FAM193A: variants seen among roughly 807,000 people sequenced by gnomAD.
The protein encoded by FAM193A is protein FAM193A.
In FAM193A, 22 loss-of-function variants were observed where a neutral mutation model predicts 126.5. The ratio of observed to expected loss-of-function variants is 0.17; its 90% CI spans 0.12 to 0.25. The LOEUF is 0.25. Among genes scored for constraint, FAM193A ranks in the 10% least tolerant of loss-of-function variants. The probability of loss-of-function intolerance (pLI) is 1.00; values close to 1 mark genes in which losing one functional copy is unlikely to be tolerated. For missense variants in FAM193A, 1,675 were observed against 1,672.8 expected, an observed-to-expected ratio of 1.00 and a Z score of -0.02; for synonymous variants, 761 against 646.8, an observed-to-expected ratio of 1.18 and a Z score of -2.68.
intron 1 of FAM193A, among the ~76,000 whole-genome samples, chr4:2,574,566 G>A (rs961957611): frequency 6.6e-6 from 1 of 152,092 alleles, no homozygotes; most frequent in African/African-American, 2.4e-5. Context: ...TGTGGTTGGC[G>A]GAAGAAGAGC....
chr4:2,551,991 C>A (rs1319548850), intron 1 of FAM193A, among the ~76,000 whole-genome samples: 2 of 148,372 alleles, frequency 1.3e-5, no homozygotes, highest in African/African-American at 5.0e-5. Flanking sequence ...CAGGTGCAAG[C>A]CATCATGTCT....
intron 13 of FAM193A, among the ~76,000 whole-genome samples, chr4:2,677,595 G>T (rs1714562001): frequency 6.6e-6 from 1 of 151,934 alleles, no homozygotes; most frequent in South Asian, 2.1e-4. Flanking sequence ...CAAAAAATTA[G>T]CCGGGCGTGG....
intron 4 of FAM193A, among the ~76,000 whole-genome samples, chr4:2,629,975 A>T (rs1054332062): frequency 9.2e-5 from 14 of 152,042 alleles, no homozygotes; most frequent in Non-Finnish European, 1.5e-5. Flanking sequence ...TACTAAAAAT[A>T]CAAAAAATTA....
Position 2,663,306 on chromosome 4 carries a change from G to A in FAM193A, c.2079+18G>A. 1.3e-6 allele frequency: 2 copies of A among 1,535,342 alleles called. No individual in the cohort carries two copies. Among genetic ancestry groups the A allele is most frequent in the Non-Finnish European group, 1.8e-6 (2 of 1,141,890 alleles). On this transcript the variant is annotated intron_variant, in intron 12 of 20. Transcript: ENST00000637812. The stretch of plus-strand genomic sequence containing the variant: ...CACAGCAGGTAGGACTTTGCTTGCT[G>A]TTTTGCCAAGGATCTCTTTTTCTGT...
At chr4:2,560,187 C>T (rs2108837801) in intron 1 of FAM193A, among the ~76,000 whole-genome samples, 1 of 152,254 alleles carries the variant, frequency 6.6e-6, no homozygotes, top group African/African-American at 2.4e-5. Flanking sequence ...AGGTGATCCA[C>T]CCGCCTCGGC....
At chr4:2,605,342 A>G (rs1227992473) in intron 2 of FAM193A, among the ~76,000 whole-genome samples, 1 of 152,140 alleles carries the variant, frequency 6.6e-6, no homozygotes, top group East Asian at 1.9e-4. Context: ...GCATCTACCC[A>G]CAAATACTGT....
chr4:2,653,691 C>T (rs1745894769), intron 7 of FAM193A, among the ~76,000 whole-genome samples: 1 of 152,204 alleles, frequency 6.6e-6, no homozygotes, highest in South Asian at 2.1e-4. Flanking sequence ...ATCCACCCAC[C>T]TCAGCCTCCC....
chr4:2,616,561 G>C (rs1018360183), intron 2 of FAM193A, among the ~76,000 whole-genome samples: 4 of 150,990 alleles, frequency 2.6e-5, no homozygotes, highest in African/African-American at 9.7e-5. Context: ...TAAATGAATT[G>C]AATTTTTTTT....
chr4:2,713,292 G>A (rs1255874738), intron 19 of FAM193A, among the ~76,000 whole-genome samples: 1 of 151,146 alleles, frequency 6.6e-6, no homozygotes, highest in Non-Finnish European at 1.5e-5. Context: ...TGTAGTCCCA[G>A]CTACTCGGGA....
chr4:2,566,316 G>A (rs888365373), intron 1 of FAM193A, among the ~76,000 whole-genome samples: 1 of 152,130 alleles, frequency 6.6e-6, no homozygotes, highest in Admixed American at 6.6e-5. Flanking sequence ...CAAAGTGCTG[G>A]GATTATAGGC....
intron 2 of FAM193A, among the ~76,000 whole-genome samples, chr4:2,617,014 A>G (rs1742227871): frequency 1.4e-5 from 2 of 145,852 alleles, no homozygotes; most frequent in Non-Finnish European, 3.0e-5. Context: ...ACTAAAATAC[A>G]AACATTAGCC....
At chr4:2,731,216 A>AAAAAC (rs1721349422) in intron 20 of FAM193A, among the ~76,000 whole-genome samples, 1 of 126,362 alleles carries the variant, frequency 7.9e-6, no homozygotes, top group African/African-American at 2.7e-5. Flanking sequence ...AAAAAAAAAA[A>AAAAAC]AAAAAAAACC....
chr4:2,652,510 A>G (rs1745768920), intron 7 of FAM193A, among the ~76,000 whole-genome samples: 1 of 152,160 alleles, frequency 6.6e-6, no homozygotes, highest in Non-Finnish European at 1.5e-5. Flanking sequence ...ACTTACAATC[A>G]TGGTGGAAGG....
Position 2,589,433 on chromosome 4 carries a change from G to A in FAM193A, c.256-6651G>A, listed in dbSNP as rs375892503. Among the ~76,000 whole-genome samples, 4 of 152,170 alleles carry A rather than the reference G, an allele frequency of 2.6e-5. No individual in the cohort carries two copies. The East Asian group carries it at 7.7e-4, about 29-fold the overall frequency. ...CTTCAGAGTTCATTCTTTAAAAAAA[G>A]TAAGTCCTAAGGAAAACTGTTATAT... On this transcript the variant is annotated intron_variant, in intron 1 of 20. Coordinates refer to ENST00000637812, the MANE Select transcript of FAM193A (RefSeq NM_001366318.2).
intron 1 of FAM193A, among the ~76,000 whole-genome samples, chr4:2,542,124 T>C (rs1737273941): frequency 6.6e-6 from 1 of 152,064 alleles, no homozygotes; most frequent in African/African-American, 2.4e-5. Context: ...CAAGTGATTC[T>C]TTTGCCTCAG....
intron 20 of FAM193A, among the ~76,000 whole-genome samples, chr4:2,730,418 C>T (rs1455977493): frequency 1.3e-5 from 2 of 152,102 alleles, no homozygotes; most frequent in African/African-American, 2.4e-5. Flanking sequence ...AGGCCGGGCG[C>T]GGTGGCTCAC....
intron 13 of FAM193A, among the ~76,000 whole-genome samples, chr4:2,683,689 C>T (rs993184425): frequency 1.3e-5 from 2 of 152,200 alleles, no homozygotes; most frequent in African/African-American, 4.8e-5. Flanking sequence ...TCTCTGAATT[C>T]TTTGGATCTG....
chr4:2,671,960 C>CT (rs1393401822), intron 12 of FAM193A, among the ~76,000 whole-genome samples, 161 bp from the exon 13 acceptor site: 2 of 152,222 alleles, frequency 1.3e-5, no homozygotes, highest in African/African-American at 4.8e-5. Flanking sequence ...CTTGGGGTCC[C>CT]TCGTTTTCCT....
rs374920006 is a variant in FAM193A at position 2,615,747 on chromosome 4, G to A, written c.502-9515G>A. ...TTGGCCAGGATGGTCTTGATCTCCT[G>A]ACCTCGTGATCTGCCGTCCTCGGCC... On this transcript the variant is annotated intron_variant, in intron 2 of 20. Transcript: ENST00000637812. Among the ~76,000 whole-genome samples the A allele has an allele frequency of 1.5e-4, 23 of 152,280 alleles. No homozygotes were observed. The East Asian group carries it at 2.3e-3, about 15-fold the overall frequency.
Sources: gnomAD v4.1 joint callset for allele counts (sites outside exome capture counted in the v4.1 genomes callset) on GRCh38, gnomAD v4.1.1 for gene constraint, MANE v1.5 for transcripts, NCBI Gene and HGNC (gene_info 2026-07-23, HGNC 2026-07-21) for gene names.